The following KPTN variants were observed in gnomAD, a reference collection of about 807,000 sequenced individuals.
KPTN encodes the protein KICSTOR complex protein kaptin.
In KPTN, 36 loss-of-function variants were observed where a neutral mutation model predicts 52.6. The observed-to-expected ratio is 0.68, with a 90% CI of 0.52 to 0.90. The LOEUF (loss-of-function observed/expected upper bound fraction) is 0.90, where lower values mean the gene tolerates loss of function less well. Ranked by LOEUF, KPTN falls within the 40% of genes least tolerant of loss-of-function variation. KPTN has a pLI of 0.00. For missense variants in KPTN, 529 were observed against 576.2 expected, an observed-to-expected ratio of 0.92 and a Z score of 0.84; for synonymous variants, 271 against 248.4, an observed-to-expected ratio of 1.09 and a Z score of -0.85.
upstream of KPTN, chr19:47,484,339 A>T (rs1968007071): frequency 2.7e-6 from 2 of 742,852 alleles, no homozygotes; most frequent in Admixed American, 6.0e-5. Flanking sequence ...CGGGCCTCCC[A>T]GGCGACTTTG....
intron 1 of KPTN, 48 bp from the exon 2 acceptor site, chr19:47,483,632 C>A: frequency 7.4e-7 from 1 of 1,357,748 alleles, no homozygotes; most frequent in Non-Finnish European, 1.0e-6. Context: ...CTCATGCTTC[C>A]AATCTCCCCA....
chr19:47,478,967 T>C (rs938028479), intron 8 of KPTN, among the ~76,000 whole-genome samples: 1 of 152,216 alleles, frequency 6.6e-6, no homozygotes, highest in Non-Finnish European at 1.5e-5. Flanking sequence ...ATGGGTGTGC[T>C]AAGATCTCAG....
intron 6 of KPTN, 74 bp downstream of exon 6, chr19:47,480,686 C>A (rs1052538918): frequency 7.2e-6 from 10 of 1,398,060 alleles, no homozygotes; most frequent in Non-Finnish European, 9.1e-6. Context: ...ACCAATTTCT[C>A]TAAGGTCTCA....
chr19:47,480,759 C>G lies in KPTN; in HGVS notation c.599+1G>C. The stretch of plus-strand genomic sequence containing the variant: ...GTGGCCTCTTTCGGGGCCTCTCCTA[C>G]CTACTGGTCAGGTTCGTCAGCTCTG... On this transcript the variant is annotated splice_donor_variant, in intron 6 of 11. Transcript: ENST00000338134. LOFTEE classifies it high-confidence loss of function. 6.2e-7 allele frequency: 1 copy of G among 1,614,002 alleles called. No individual in the cohort carries two copies. Among genetic ancestry groups the G allele is most frequent in the South Asian group, 1.1e-5 (1 of 91,072 alleles).
Position 47,483,593 on chromosome 19 carries a change from G to C in KPTN, c.227-9C>G. The C allele has an allele frequency of 1.3e-6, 2 of 1,545,540 alleles. No individual in the cohort carries two copies. Among genetic ancestry groups the C allele is most frequent in the South Asian group, 2.4e-5 (2 of 83,914 alleles). On this transcript the variant is annotated splice_polypyrimidine_tract_variant and intron_variant, in intron 1 of 11. Coordinates refer to ENST00000338134, the MANE Select transcript of KPTN (RefSeq NM_007059.4). ...GACAATCTCCGCATCCACTGGGAGG[G>C]GAGAGTTCTAAGTTCAGTGTCAGGC...
chr19:47,476,472 G>A, intron 11 of KPTN, 60 bp downstream of exon 11: 1 of 1,445,378 alleles, frequency 6.9e-7, no homozygotes, highest in Non-Finnish European at 9.4e-7. Flanking sequence ...GAGGAGGCCT[G>A]CACCCCCTGC....
intron 7 of KPTN, 129 bp from the exon 8 acceptor site, chr19:47,480,069 A>AAT: frequency 3.9e-6 from 1 of 253,344 alleles, no homozygotes; most frequent in African/African-American, 6.4e-5. Flanking sequence ...CCTCAACCCC[A>AAT]CCCTAGCCCC....
rs746261793 is a variant in KPTN, at chr19:47,476,520, A to G, written c.1182+12T>C. The stretch of plus-strand genomic sequence containing the variant: ...AGGTCGACTCCCCTCCCACCCCAAG[A>G]GCTGGGGATACCTGCAGGATGTGCA... On this transcript the variant is annotated intron_variant, in intron 11 of 11. Transcript: ENST00000338134. 1 of 1,585,530 alleles carries G rather than the reference A, an allele frequency of 6.3e-7. No individual in the cohort carries two copies. The highest frequency in any genetic ancestry group is 1.1e-5 in the South Asian group (1 of 89,638).
chr19:47,479,874 G>T lies in KPTN; in HGVS notation c.776C>A (p.Ser259Ter), dbSNP rs374298314. The stretch of plus-strand genomic sequence containing the variant: ...AACCCAGAGCTCACCCTTGGCGGCC[G>T]AGAGGCTGAACACAATCACTCGGGA... ...PISRVIVFSL[S>*]AAKETKDRPL... Residue 259 changes from serine to a stop codon, truncating the protein, a stop_gained, in exon 8 of 12, where the codon TCG becomes TAG. Transcript: ENST00000338134. LOFTEE classifies it high-confidence loss of function. 60 of 1,612,636 alleles carry T rather than the reference G, an allele frequency of 3.7e-5. No homozygotes were observed. Among genetic ancestry groups the T allele is most frequent in the Non-Finnish European group, 3.8e-5 (45 of 1,179,286 alleles).
intron 7 of KPTN, 62 bp downstream of exon 7, chr19:47,480,236 A>AC: frequency 1.0e-5 from 3 of 289,554 alleles, no homozygotes; most frequent in African/African-American, 5.5e-5. Context: ...CCTCAGCCCC[A>AC]CCCTGGCCCC....
In KPTN at chr19:47,480,912, A is replaced by C; in HGVS notation, c.525+46T>G. ...ACATATACCCACCCAGCGCCAGCCC[A>C]CAGTGAATCCCACAGGGCTCTGCCC... On this transcript the variant is annotated intron_variant, in intron 5 of 11. Coordinates refer to ENST00000338134, the MANE Select transcript of KPTN (RefSeq NM_007059.4). 1.9e-6 allele frequency: 3 copies of C among 1,610,010 alleles called. No homozygotes were observed. The South Asian group carries it at 3.3e-5, about 18-fold the overall frequency.
In KPTN at chr19:47,483,538, G is replaced by T. The variant is rs756075147; in HGVS notation, c.273C>A (p.Pro91=). Residue 91 remains proline (P), a synonymous_variant, in exon 2 of 12, where the codon CCC becomes CCA. Coordinates refer to ENST00000338134, the MANE Select transcript of KPTN (RefSeq NM_007059.4). Reference sequence around the variant, plus strand: ...TGATCCCCACAACCAGACCCCGCTTGGGGGGTGACTTGTTGAAAGTGTCGA... The same window carrying T: ...TGATCCCCACAACCAGACCCCGCTTTGGGGGTGACTTGTTGAAAGTGTCGA... ...VSIDTFNKSP[P]KRGLVVGITF... 2.5e-5 allele frequency: 39 copies of T among 1,579,272 alleles called. No individual in the cohort carries two copies. The highest frequency in any genetic ancestry group is 1.1e-4 in the African/African-American group (8 of 74,054).
chr19:47,483,742 T>TTCAG lies in KPTN; in HGVS notation c.227-159_227-158insCTGA. The TTCAG allele has an allele frequency of 6.5e-6, 6 of 922,208 alleles. No individual in the cohort carries two copies. The South Asian group carries it at 1.0e-4, about 16-fold the overall frequency. 57.1% of individuals were successfully genotyped at this position (922,208 alleles called of 1,614,324 possible). ...TCCCTGGGTACTAGGGATCCTGACCTGTAAGTCTGAAGAATCCTGAAACCC... is the reference window on the plus strand; with the variant it reads ...TCCCTGGGTACTAGGGATCCTGACCTTCAGGTAAGTCTGAAGAATCCTGAAACCC... On this transcript the variant is annotated intron_variant, in intron 1 of 11. Transcript: ENST00000338134.
chr19:47,485,529 G>A (rs538650735), upstream of KPTN, among the ~76,000 whole-genome samples: 2 of 152,212 alleles, frequency 1.3e-5, no homozygotes, highest in Non-Finnish European at 2.9e-5. Flanking sequence ...GACACCTCGA[G>A]CACACACAGA....
chr19:47,484,276 T>C, upstream of KPTN: 1 of 1,302,590 alleles, frequency 7.7e-7, no homozygotes, highest in East Asian at 2.6e-5. Context: ...GCTGATGACG[T>C]ACGGAAGCTG....
In KPTN at chr19:47,479,910, TCCTG is replaced by T; in HGVS notation, c.736_739del (p.Gln246ThrfsTer7). On this transcript the variant is annotated frameshift_variant, in exon 8 of 12. Coordinates refer to ENST00000338134, the MANE Select transcript of KPTN (RefSeq NM_007059.4). LOFTEE classifies it high-confidence loss of function. ...CACAATCACTCGGGAGATGGGACCG[TCCTG>T]CAGGACCGACCACATCTGCAGAACC... is the stretch of plus-strand genomic sequence containing the variant. 6.2e-7 allele frequency: 1 copy of T among 1,612,664 alleles called. No individual in the cohort carries two copies. Among genetic ancestry groups the T allele is most frequent in the Non-Finnish European group, 8.5e-7 (1 of 1,179,200 alleles).
In KPTN at chr19:47,483,490, G is replaced by A. The variant is rs1967961111; in HGVS notation, c.309+12C>T. On this transcript the variant is annotated intron_variant, in intron 2 of 11. Coordinates refer to ENST00000338134, the MANE Select transcript of KPTN (RefSeq NM_007059.4). ...GAGGAGGGCGAAGGGAGGTGGAGGG[G>A]GCTCTAGGTACCTTGATGAACGTGA... 2 of 1,599,882 alleles carry A rather than the reference G, an allele frequency of 1.3e-6. No homozygotes were observed. Among genetic ancestry groups the A allele is most frequent in the Middle Eastern group, 1.6e-4 (1 of 6,064 alleles).
chr19:47,477,077 C>T, intron 9 of KPTN, 139 bp from the exon 10 acceptor site: 1 of 869,506 alleles, frequency 1.2e-6, no homozygotes, highest in Non-Finnish European at 1.7e-6. Flanking sequence ...TAGACATCAT[C>T]ATCTCAGATT....
chr19:47,484,197 C>T lies in KPTN; in HGVS notation c.-37G>A, dbSNP rs1414810671. ...AAGCACCCTCTCCGCAGCCCCCGCC[C>T]CAACCCGCACTACCCAACCTACGAC... is the stretch of plus-strand genomic sequence containing the variant. On this transcript the variant is annotated 5_prime_UTR_variant, in exon 1 of 12. Coordinates refer to ENST00000338134, the MANE Select transcript of KPTN (RefSeq NM_007059.4). 6.4e-7 allele frequency: 1 copy of T among 1,569,886 alleles called. No homozygotes were observed. The highest frequency in any genetic ancestry group is 8.6e-7 in the Non-Finnish European group (1 of 1,163,322).
Sources: gnomAD v4.1 joint callset for allele counts (sites outside exome capture counted in the v4.1 genomes callset) on GRCh38, gnomAD v4.1.1 for gene constraint, MANE v1.5 for transcripts, NCBI Gene and HGNC (gene_info 2026-07-23, HGNC 2026-07-21) for gene names.